ZMAT4: variants seen among roughly 807,000 people sequenced by gnomAD.
ZMAT4 encodes the protein zinc finger matrin-type protein 4.
A neutral mutation model predicts 28.7 loss-of-function variants in ZMAT4; 17 were observed. That is an observed-to-expected ratio of 0.59 (90% CI 0.41 to 0.89). The LOEUF (loss-of-function observed/expected upper bound fraction) is 0.89, where lower values mean the gene tolerates loss of function less well. ZMAT4 is among the 40% of genes least tolerant of loss of function. The pLI is 0.00. For synonymous variants in ZMAT4, 117 were observed against 109.2 expected, an observed-to-expected ratio of 1.07 and a Z score of -0.44; for missense variants, 240 against 283.8, an observed-to-expected ratio of 0.85 and a Z score of 1.11.
intron 3 of ZMAT4, among the ~76,000 whole-genome samples, chr8:40,760,592 C>T (rs1483998657): frequency 2.6e-5 from 4 of 152,158 alleles, no homozygotes; most frequent in African/African-American, 7.2e-5. Flanking sequence ...TCCTGTTAAG[C>T]CAAGTTTCCA....
chr8:40,754,747 G>A lies in ZMAT4; in HGVS notation c.192+12894C>T, dbSNP rs186866477. On this transcript the variant is annotated intron_variant, in intron 3 of 6. Transcript: ENST00000297737. ...CATAAAACGACCAGGTGGGCTGACT[G>A]TTGCCTGTAATCCTAGCACTTTGAG... is the stretch of plus-strand genomic sequence containing the variant. Among the ~76,000 whole-genome samples, 9 of 152,284 alleles carry A rather than the reference G, an allele frequency of 5.9e-5. No individual in the cohort carries two copies. In the East Asian group the frequency reaches 1.7e-3, roughly 29 times the overall value.
rs1160117648 is a variant in ZMAT4 at position 40,849,569 on chromosome 8, G to A, written c.-4-23889C>T. Among the ~76,000 whole-genome samples, 3 of 152,154 alleles carry A rather than the reference G, an allele frequency of 2.0e-5. No individual in the cohort carries two copies. The East Asian group carries it at 5.8e-4, about 29-fold the overall frequency. On this transcript the variant is annotated intron_variant, in intron 1 of 6. Coordinates refer to ENST00000297737, the MANE Select transcript of ZMAT4 (RefSeq NM_024645.3). ...CACACACCTGCCTGGATTCTCAGATGTTCTCTTGTTCCTCCGTCACCCACA... is the reference window on the plus strand; with the variant it reads ...CACACACCTGCCTGGATTCTCAGATATTCTCTTGTTCCTCCGTCACCCACA...
At chr8:40,699,481 T>C (rs756700330) in intron 3 of ZMAT4, among the ~76,000 whole-genome samples, 5 of 152,088 alleles carry the variant, frequency 3.3e-5, no homozygotes, top group Non-Finnish European at 7.3e-5. Context: ...AAAAAATCAT[T>C]GTGTTAAAAA....
intron 2 of ZMAT4, among the ~76,000 whole-genome samples, chr8:40,786,973 C>T (rs189895800): frequency 2.0e-4 from 30 of 152,130 alleles, no homozygotes; most frequent in Admixed American, 1.2e-3. Context: ...TGGTTTCACC[C>T]GAGAAATTTT....
At chr8:40,596,092 C>CA (rs1215396486) in intron 5 of ZMAT4, among the ~76,000 whole-genome samples, 2 of 151,234 alleles carry the variant, frequency 1.3e-5, no homozygotes, top group Non-Finnish European at 2.9e-5. Context: ...AACTCTGTCT[C>CA]AAAAAAACAA....
chr8:40,633,164 CA>C (rs879774584), intron 5 of ZMAT4, among the ~76,000 whole-genome samples: 2 of 152,164 alleles, frequency 1.3e-5, no homozygotes, highest in Non-Finnish European at 2.9e-5. Flanking sequence ...CCTAATTGTA[CA>C]GTAATGCTAT....
chr8:40,771,248 T>C (rs933193272), intron 2 of ZMAT4, among the ~76,000 whole-genome samples: 1 of 150,710 alleles, frequency 6.6e-6, no homozygotes, highest in Non-Finnish European at 1.5e-5. Context: ...TAATGAATGT[T>C]GAAAGAAAAA....
At chr8:40,579,367 C>T (rs1432360669) in intron 6 of ZMAT4, among the ~76,000 whole-genome samples, 2 of 152,126 alleles carry the variant, frequency 1.3e-5, no homozygotes, top group South Asian at 2.1e-4. Flanking sequence ...TGTATGGTGC[C>T]TGTAACAAAA....
chr8:40,634,076 TGAA>T (rs1806701021), intron 5 of ZMAT4, among the ~76,000 whole-genome samples: 1 of 152,060 alleles, frequency 6.6e-6, no homozygotes, highest in South Asian at 2.1e-4. Context: ...AGCACATTTT[TGAA>T]GAAGTGGTTG....
intron 5 of ZMAT4, among the ~76,000 whole-genome samples, chr8:40,635,948 GC>G (rs1806776558): frequency 6.6e-6 from 1 of 152,152 alleles, no homozygotes; most frequent in Non-Finnish European, 1.5e-5. Flanking sequence ...CAGTTTGGGG[GC>G]CTCTATTACC....
At chr8:40,707,318 C>A (rs986487235) in intron 3 of ZMAT4, among the ~76,000 whole-genome samples, 1 of 150,762 alleles carries the variant, frequency 6.6e-6, no homozygotes, top group African/African-American at 2.4e-5. Context: ...CTCTAACCCC[C>A]AGCACAGTGT....
chr8:40,878,893 C>G lies in ZMAT4; in HGVS notation c.-5+18790G>C, dbSNP rs1432711515. Among the ~76,000 whole-genome samples, 3 of 152,126 alleles carry G rather than the reference C, an allele frequency of 2.0e-5. No homozygotes were observed. In the East Asian group the frequency reaches 5.8e-4, roughly 29 times the overall value. On this transcript the variant is annotated intron_variant, in intron 1 of 6. Coordinates refer to ENST00000297737, the MANE Select transcript of ZMAT4 (RefSeq NM_024645.3). Reference sequence around the variant, plus strand: ...TATTAGCATTGAGTGGGCAGGGCTGCTTTTTTGTTTTAAGAAACTGCTTCC... The same window carrying G: ...TATTAGCATTGAGTGGGCAGGGCTGGTTTTTTGTTTTAAGAAACTGCTTCC...
intron 1 of ZMAT4, among the ~76,000 whole-genome samples, chr8:40,845,579 C>T (rs1328545209): frequency 6.6e-6 from 1 of 151,782 alleles, no homozygotes; most frequent in Non-Finnish European, 1.5e-5. Context: ...ATAACAGTGT[C>T]CTGTAATCTA....
rs371341138 is a variant in ZMAT4 at position 40,855,863 on chromosome 8, A to AT, written c.-4-30184dup. On this transcript the variant is annotated intron_variant, in intron 1 of 6. Coordinates refer to ENST00000297737, the MANE Select transcript of ZMAT4 (RefSeq NM_024645.3). Reference sequence around the variant, plus strand: ...GCTACTTTTTATTTTTTATTTTTTTATTTTTTTTGTAGAGATGGGGTCTCG... The same window carrying AT: ...GCTACTTTTTATTTTTTATTTTTTTATTTTTTTTTGTAGAGATGGGGTCTCG... Among the ~76,000 whole-genome samples, 370 of 150,582 alleles carry AT rather than the reference A, an allele frequency of 2.5e-3. 2 individuals carry two copies. The highest frequency in any genetic ancestry group is 8.5e-3 in the African/African-American group (350 of 40,974).
chr8:40,840,476 G>T (rs1418331205), intron 1 of ZMAT4, among the ~76,000 whole-genome samples: 1 of 152,084 alleles, frequency 6.6e-6, no homozygotes, highest in Admixed American at 6.5e-5. Context: ...ACTAAACTCT[G>T]CAAAGTCTCT....
At chr8:40,648,822 C>A (rs1246035811) in intron 5 of ZMAT4, among the ~76,000 whole-genome samples, 5 of 121,964 alleles carry the variant, frequency 4.1e-5, no homozygotes, top group African/African-American at 1.4e-4. Flanking sequence ...TCCAGCCAAA[C>A]TAAGCTTCAT....
chr8:40,805,655 C>T (rs1188317409), intron 2 of ZMAT4, among the ~76,000 whole-genome samples: 3 of 145,936 alleles, frequency 2.1e-5, no homozygotes, highest in Non-Finnish European at 3.0e-5. Flanking sequence ...TGGATGAAAT[C>T]GGAAATCATC....
At chr8:40,663,766 C>A (rs183601732) in intron 5 of ZMAT4, among the ~76,000 whole-genome samples, 1 of 152,296 alleles carries the variant, frequency 6.6e-6, no homozygotes, top group African/African-American at 2.4e-5. Context: ...GGCACCTCTT[C>A]ACTAACATTT....
chr8:40,801,079 A>T, intron 2 of ZMAT4, among the ~76,000 whole-genome samples: 1 of 151,868 alleles, frequency 6.6e-6, no homozygotes, highest in African/African-American at 2.4e-5. Flanking sequence ...TAATTTAAAA[A>T]TGCCATGAAA....
Sources: gnomAD v4.1 joint callset for allele counts (sites outside exome capture counted in the v4.1 genomes callset) on GRCh38, gnomAD v4.1.1 for gene constraint, MANE v1.5 for transcripts, NCBI Gene and HGNC (gene_info 2026-07-23, HGNC 2026-07-21) for gene names.